Variants in GARIN2 observed in about 807,000 individuals in gnomAD.
GARIN2 encodes the protein golgi associated RAB2 interactor family member 2.
chr14:67,191,206 C>A, the GARIN2 span, among the ~76,000 whole-genome samples: 1 of 152,186 alleles, frequency 6.6e-6, no homozygotes, highest in Non-Finnish European at 1.5e-5. Flanking sequence ...TGCACTCCAG[C>A]CTGGGTGATG....
chr14:67,226,390 C>G, the GARIN2 span, among the ~76,000 whole-genome samples: 1 of 150,238 alleles, frequency 6.7e-6, no homozygotes, highest in Non-Finnish European at 1.5e-5. Flanking sequence ...GAGACGGAGT[C>G]TCGCTCTGTC....
the GARIN2 span, chr14:67,197,370 G>A: frequency 6.6e-6 from 1 of 152,156 alleles, no homozygotes; most frequent in African/African-American, 2.4e-5. Flanking sequence ...GAGATTTGAT[G>A]GTTCTTACAG....
the GARIN2 span, chr14:67,204,979 G>T: frequency 1.3e-6 from 2 of 1,579,286 alleles, no homozygotes. Flanking sequence ...AGAAGTCATA[G>T]AAGTCAGAGA....
chr14:67,226,868 A>T, the GARIN2 span, among the ~76,000 whole-genome samples: 1 of 152,140 alleles, frequency 6.6e-6, no homozygotes, highest in East Asian at 1.9e-4. Context: ...AACTTGTTGT[A>T]TGGTGTGGAG....
chr14:67,191,593 G>A, the GARIN2 span, among the ~76,000 whole-genome samples: 2 of 152,040 alleles, frequency 1.3e-5, no homozygotes, highest in African/African-American at 4.8e-5. Context: ...GAAAATAAAG[G>A]CACCCCACCC....
the GARIN2 span, chr14:67,204,645 T>G: frequency 1.2e-6 from 2 of 1,613,896 alleles, no homozygotes; most frequent in Non-Finnish European, 1.7e-6. Context: ...TCTGCACCTC[T>G]GCATATAAAC....
the GARIN2 span, chr14:67,203,147 C>A: frequency 6.2e-7 from 1 of 1,613,868 alleles, no homozygotes; most frequent in South Asian, 1.1e-5. Flanking sequence ...ACTGGGTGAC[C>A]GTAGGCATCT....
chr14:67,208,488 A>C, the GARIN2 span: 2 of 1,584,370 alleles, frequency 1.3e-6, no homozygotes, highest in Non-Finnish European at 1.7e-6. Context: ...ATTCTAAGAC[A>C]TGAAATATTA....
the GARIN2 span, chr14:67,208,365 A>C: frequency 6.2e-7 from 1 of 1,614,032 alleles, no homozygotes; most frequent in Non-Finnish European, 8.5e-7. Context: ...AGTGAGGCAA[A>C]TACATCCAAG....
At chr14:67,190,519 G>A in the GARIN2 span, among the ~76,000 whole-genome samples, 4 of 152,246 alleles carry the variant, frequency 2.6e-5, no homozygotes, top group Middle Eastern at 3.4e-3. Context: ...CGTTGTGCCC[G>A]GCCTGTTTTG....
chr14:67,225,187 CA>C, the GARIN2 span: 1 of 1,569,388 alleles, frequency 6.4e-7, no homozygotes, highest in East Asian at 2.3e-5. Context: ...GCCCCTTTCT[CA>C]AGGGAATGAA....
At chr14:67,202,136 C>T in the GARIN2 span, among the ~76,000 whole-genome samples, 1 of 152,104 alleles carries the variant, frequency 6.6e-6, no homozygotes, top group Non-Finnish European at 1.5e-5. Context: ...TTAAACACAG[C>T]CATTATTAAA....
At chr14:67,224,874 A>T in the GARIN2 span, 1 of 360,264 alleles carries the variant, frequency 2.8e-6, no homozygotes, top group Non-Finnish European at 5.0e-6. Flanking sequence ...CCCAGGCTTA[A>T]TAAAAAAGGA....
chr14:67,215,354 C>G, the GARIN2 span, among the ~76,000 whole-genome samples: 4 of 151,220 alleles, frequency 2.6e-5, no homozygotes. Flanking sequence ...CTACTTTTAC[C>G]GAGGGCACAG....
chr14:67,224,835 G>T, the GARIN2 span: 1 of 292,554 alleles, frequency 3.4e-6, no homozygotes, highest in Non-Finnish European at 6.4e-6. Flanking sequence ...GGAATCCTAA[G>T]CAGCCAGGTT....
the GARIN2 span, chr14:67,199,087 G>A: frequency 1.5e-3 from 1,496 of 1,029,562 alleles, 15 homozygotes; most frequent in African/African-American, 0.02. Context: ...ATCTCCGAGC[G>A]GAACCAGGAT....
At chr14:67,193,218 A>C in the GARIN2 span, among the ~76,000 whole-genome samples, 2 of 132,564 alleles carry the variant, frequency 1.5e-5, no homozygotes, top group Non-Finnish European at 3.3e-5. Context: ...ATAGACATCT[A>C]TCTATATATC....
At chr14:67,200,884 G>A in the GARIN2 span, among the ~76,000 whole-genome samples, 2 of 152,172 alleles carry the variant, frequency 1.3e-5, no homozygotes, top group South Asian at 2.1e-4. Context: ...TAGGTCAGAC[G>A]TTGCCCCCAT....
chr14:67,197,500 T>C, the GARIN2 span: 1 of 152,178 alleles, frequency 6.6e-6, no homozygotes, highest in Non-Finnish European at 1.5e-5. Flanking sequence ...TTCTCTCTCC[T>C]GGAGACTTAA....
Sources: gnomAD v4.1 joint callset for allele counts (sites outside exome capture counted in the v4.1 genomes callset) on GRCh38, gnomAD v4.1.1 for gene constraint, MANE v1.5 for transcripts, NCBI Gene and HGNC (gene_info 2026-07-23, HGNC 2026-07-21) for gene names.